MATN2: variants seen among roughly 807,000 people sequenced by gnomAD.
MATN2 encodes matrilin-2.
MATN2 carries 69 observed loss-of-function variants against 103.2 expected under a neutral mutation model. The observed-to-expected ratio is 0.67, with a 90% CI of 0.55 to 0.82. MATN2 has a LOEUF of 0.82. Among genes scored for constraint, MATN2 ranks in the 40% least tolerant of loss-of-function variants. The pLI is 0.00. For synonymous variants in MATN2, 429 were observed against 450.2 expected (o/e 0.95, Z 0.60); for missense variants, 1,023 against 1,211.5 (o/e 0.84, Z 2.31).
intron 5 of MATN2, among the ~76,000 whole-genome samples, chr8:97,969,835 G>A (rs999229417): frequency 2.0e-5 from 3 of 152,228 alleles, no homozygotes; most frequent in Non-Finnish European, 4.4e-5. Context: ...GAATGGCAAA[G>A]GGGGCATGGG....
At chr8:97,960,579 C>A (rs775312517) in intron 4 of MATN2, among the ~76,000 whole-genome samples, 2 of 152,284 alleles carry the variant, frequency 1.3e-5, no homozygotes, top group South Asian at 4.1e-4. Flanking sequence ...CAAAATAAGA[C>A]CACGAATAGA....
Position 98,009,403 on chromosome 8 carries a change from C to CT in MATN2, c.1573+1806dup, listed in dbSNP as rs1291163168. 9.8e-5 allele frequency among the ~76,000 whole-genome samples: 15 copies of CT among 152,308 alleles called. 1 individual carries two copies. Among genetic ancestry groups the CT allele is most frequent in the African/African-American group, 3.6e-4 (15 of 41,574 alleles). On this transcript the variant is annotated intron_variant, in intron 10 of 18. Coordinates refer to ENST00000254898, the MANE Select transcript of MATN2 (RefSeq NM_002380.5). ...CATGACTGCACCTATTTGGTAAAGC[C>CT]TTTTGGGGGGCAGTCAGGCCTGGCT...
intron 2 of MATN2, among the ~76,000 whole-genome samples, chr8:97,889,171 A>T (rs976865839): frequency 1.4e-4 from 21 of 152,018 alleles, no homozygotes; most frequent in Non-Finnish European, 2.1e-4. Context: ...GGCTACTAAG[A>T]GAACTGCCCA....
intron 4 of MATN2, among the ~76,000 whole-genome samples, chr8:97,943,742 G>T (rs1307835162): frequency 1.3e-5 from 2 of 152,088 alleles, no homozygotes; most frequent in Non-Finnish European, 2.9e-5. Context: ...GGATTGAGCC[G>T]CTGTGCCTGG....
At chr8:97,939,956 G>A (rs1461355695) in intron 3 of MATN2, among the ~76,000 whole-genome samples, 1 of 152,130 alleles carries the variant, frequency 6.6e-6, no homozygotes, top group African/African-American at 2.4e-5. Flanking sequence ...TATATAGGAT[G>A]AACCTACAGA....
intron 1 of MATN2, among the ~76,000 whole-genome samples, chr8:97,874,967 C>T (rs918191697): frequency 3.3e-5 from 5 of 151,872 alleles, no homozygotes; most frequent in South Asian, 2.1e-4. Context: ...CTGTCCGCCT[C>T]GACCTCCCAA....
Position 98,007,304 on chromosome 8 carries a change from G to A in MATN2, c.1450+77G>A. The A allele has an allele frequency of 1.3e-6, 2 of 1,595,626 alleles. No homozygotes were observed. Among genetic ancestry groups the A allele is most frequent in the South Asian group, 1.1e-5 (1 of 89,968 alleles). ...ACCTATGTGACTGCAGAGGGCACAG[G>A]TTGTACTTGGGCACCCCTCCCCTGC... On this transcript the variant is annotated intron_variant, in intron 9 of 18. Coordinates refer to ENST00000254898, the MANE Select transcript of MATN2 (RefSeq NM_002380.5). The surrounding 1 kb of genome is among the most constrained non-coding windows in gnomAD (Gnocchi z 4.2).
intron 1 of MATN2, among the ~76,000 whole-genome samples, chr8:97,878,381 G>A (rs1818147357): frequency 6.6e-6 from 1 of 151,840 alleles, no homozygotes; most frequent in Admixed American, 6.6e-5. Flanking sequence ...GGACAACATG[G>A]CAAAACCCCA....
intron 2 of MATN2, among the ~76,000 whole-genome samples, chr8:97,911,880 TA>T (rs1809455562): frequency 6.6e-6 from 1 of 152,086 alleles, no homozygotes; most frequent in Non-Finnish European, 1.5e-5. Flanking sequence ...ATAACAACAA[TA>T]AAGGCTTATT....
At chr8:97,909,760 A>G (rs1220616616) in intron 2 of MATN2, among the ~76,000 whole-genome samples, 2 of 151,292 alleles carry the variant, frequency 1.3e-5, no homozygotes, top group African/African-American at 4.8e-5. Context: ...GATGGGAGCC[A>G]TTGGTAAGGG....
intron 6 of MATN2, among the ~76,000 whole-genome samples, chr8:97,988,221 T>TATATATAC (rs1812273005): frequency 8.7e-6 from 1 of 114,492 alleles, no homozygotes; most frequent in African/African-American, 3.6e-5. Context: ...CACACATACA[T>TATATATAC]ATATATATAT....
At chr8:97,976,824 T>G (rs1041313543) in intron 5 of MATN2, among the ~76,000 whole-genome samples, 2 of 151,982 alleles carry the variant, frequency 1.3e-5, no homozygotes, top group Non-Finnish European at 2.9e-5. Context: ...TCACCTCTAA[T>G]CCAACAGGAA....
chr8:97,958,094 G>A (rs558530557), intron 4 of MATN2, among the ~76,000 whole-genome samples: 1 of 152,300 alleles, frequency 6.6e-6, no homozygotes, highest in East Asian at 1.9e-4. Flanking sequence ...TTTTGAAATG[G>A]TACTTTCAAA....
intron 4 of MATN2, among the ~76,000 whole-genome samples, chr8:97,953,374 A>G (rs1286693077): frequency 6.6e-6 from 1 of 152,210 alleles, no homozygotes; most frequent in Non-Finnish European, 1.5e-5. Context: ...CATTTGTTGA[A>G]TACTTACTGT....
intron 2 of MATN2, among the ~76,000 whole-genome samples, chr8:97,916,597 C>T (rs1809638258): frequency 6.6e-6 from 1 of 152,160 alleles, no homozygotes; most frequent in African/African-American, 2.4e-5. Context: ...GTGTTCCCAT[C>T]ATTTAGCTCC....
intron 1 of MATN2, among the ~76,000 whole-genome samples, chr8:97,880,598 T>C (rs1326354480): frequency 6.6e-6 from 1 of 152,140 alleles, no homozygotes; most frequent in Non-Finnish European, 1.5e-5. Flanking sequence ...GTAATATGCT[T>C]CCCCCTGCAC....
At chr8:97,942,983 G>C (rs1486735010) in intron 4 of MATN2, among the ~76,000 whole-genome samples, 3 of 152,002 alleles carry the variant, frequency 2.0e-5, no homozygotes, top group Non-Finnish European at 4.4e-5. Flanking sequence ...ACTCTGAATC[G>C]CAGGGGTGGG....
At chr8:98,001,462 C>CTTT (rs35005441) in intron 7 of MATN2, among the ~76,000 whole-genome samples, 25 of 118,924 alleles carry the variant, frequency 2.1e-4, no homozygotes, top group South Asian at 2.7e-4. Flanking sequence ...ACACTTTTGT[C>CTTT]TTTTTTTTTT....
rs1292876062 is a variant in MATN2 at position 98,007,262 on chromosome 8, T to C, written c.1450+35T>C. 3 of 1,612,156 alleles carry C rather than the reference T, an allele frequency of 1.9e-6. No individual in the cohort carries two copies. Among genetic ancestry groups the C allele is most frequent in the Admixed American group, 1.7e-5 (1 of 59,962 alleles). On this transcript the variant is annotated intron_variant, in intron 9 of 18. Transcript: ENST00000254898. This position sits in a 1 kb window ranked among gnomAD's most constrained non-coding sequence, Gnocchi z 4.2. Reference sequence around the variant, plus strand: ...TCCGCGCTCCTCTCATAGGGGAAGGTTTGCACCAGGAGTGAAACCTATGTG... The same window carrying C: ...TCCGCGCTCCTCTCATAGGGGAAGGCTTGCACCAGGAGTGAAACCTATGTG...
Sources: gnomAD v4.1 joint callset for allele counts (sites outside exome capture counted in the v4.1 genomes callset) on GRCh38, gnomAD v4.1.1 for gene constraint, Gnocchi (gnomAD v3.1) non-coding constraint, MANE v1.5 for transcripts, NCBI Gene and HGNC (gene_info 2026-07-23, HGNC 2026-07-21) for gene names.